The following GAS6 variants were observed in gnomAD, a reference collection of about 807,000 sequenced individuals.
The protein encoded by GAS6 is growth arrest specific 6.
GAS6 carries 41 observed loss-of-function variants against 75.8 expected under a neutral mutation model. The ratio of observed to expected loss-of-function variants is 0.54; its 90% CI spans 0.42 to 0.70. The LOEUF is 0.70. GAS6 is among the 30% of genes least tolerant of loss of function. The probability of loss-of-function intolerance (pLI) is 0.00; values close to 1 mark genes in which losing one functional copy is unlikely to be tolerated. For synonymous variants in GAS6, 432 were observed against 412.6 expected (o/e 1.05, Z -0.57); for missense variants, 854 against 940.2 (o/e 0.91, Z 1.20).
rs2051997021 is a variant in GAS6 at position 113,864,056 on chromosome 13, G to C, written c.-136C>G. On this transcript the variant is annotated 5_prime_UTR_variant, in exon 1 of 15. Coordinates refer to ENST00000327773, the MANE Select transcript of GAS6 (RefSeq NM_000820.4). ...CGGCGGCGGCGGCGGCGGCGGCTGC[G>C]GCACCTCAAGCGCTCGGTCTGGGCG... is the stretch of plus-strand genomic sequence containing the variant. 45 of 904,474 alleles carry C rather than the reference G, an allele frequency of 5.0e-5. No individual in the cohort carries two copies. The highest frequency in any genetic ancestry group is 9.8e-5 in the South Asian group (2 of 20,490). The allele number at this position is 904,474 out of a possible 1,614,324, so 56.0% of individuals were successfully genotyped here.
At chr13:113,847,903 G>A (rs2051846462) in intron 3 of GAS6, 123 bp downstream of exon 3, 1 of 890,422 alleles carries the variant, frequency 1.1e-6, no homozygotes. Context: ...AGTTCCACGT[G>A]CACCATGTGA....
At chr13:113,860,126 G>C (rs1045118590) in intron 2 of GAS6, among the ~76,000 whole-genome samples, 2 of 152,218 alleles carry the variant, frequency 1.3e-5, no homozygotes, top group African/African-American at 2.4e-5. Flanking sequence ...GGGGAGAAGA[G>C]AGAGACTGGG....
At position 113,827,052 on chromosome 13, in the gene GAS6, G is replaced by A. The variant is rs767144171; in HGVS notation, c.1421C>T (p.Thr474Met). The A allele has an allele frequency of 4.7e-5, 76 of 1,613,356 alleles. No homozygotes were observed. Among genetic ancestry groups the A allele is most frequent in the East Asian group, 6.7e-5 (3 of 44,886 alleles). ...VNTRMQCFSV[T>M]ERGSFYPGSG... ...CCCGGGGTAGAAAGAGCCTCTCTCC[G>A]TCACCGAGAAGCACTGCATCCTCGT... The change falls in exon 12 of 15, where the codon ACG becomes ATG. Residue 474 changes from threonine to methionine, a missense_variant. Physicochemically the swap from Thr to Met is moderately conservative, Grantham distance 81 (BLOSUM62 -1). Transcript: ENST00000327773.
At position 113,853,313 on chromosome 13, in the gene GAS6, G is replaced by A. The variant is rs1372071676; in HGVS notation, c.256-5263C>T. Among the ~76,000 whole-genome samples, 15 of 152,210 alleles carry A rather than the reference G, an allele frequency of 9.9e-5. 1 individual carries two copies. The highest frequency in any genetic ancestry group is 9.8e-4 in the Admixed American group (15 of 15,286). ...CCCAGCAAGGTCTCTGCCTGGTGGT[G>A]AGGGGCAGCCAGGGGATTAAGGGCA... On this transcript the variant is annotated intron_variant, in intron 2 of 14. Transcript: ENST00000327773.
rs1444748289 is a variant in GAS6, at chr13:113,863,782, G to C, written c.89-41C>G. 9 of 1,423,632 alleles carry C rather than the reference G, an allele frequency of 6.3e-6. No homozygotes were observed. The highest frequency in any genetic ancestry group is 8.2e-6 in the Non-Finnish European group (9 of 1,099,676). The allele number at this position is 1,423,632 out of a possible 1,614,324, so 88.2% of individuals were successfully genotyped here. A position where few individuals can be genotyped will look rare whatever the true frequency, so the allele number is the denominator to read the frequency against. On this transcript the variant is annotated intron_variant, in intron 1 of 14. Transcript: ENST00000327773. This position sits in a 1 kb window ranked among gnomAD's most constrained non-coding sequence, Gnocchi z 9.4. ...GAGGGGGACGCGTCAAGCCGCGCCC[G>C]GAGCCTCCTCCCGCCGCCCGGGGAC...
At chr13:113,838,508 G>A (rs1205639359) in intron 5 of GAS6, among the ~76,000 whole-genome samples, 3 of 137,096 alleles carry the variant, frequency 2.2e-5, no homozygotes, top group Non-Finnish European at 3.1e-5. Flanking sequence ...CCCCGGGGGT[G>A]CACAGCCCAG....
intron 2 of GAS6, among the ~76,000 whole-genome samples, chr13:113,859,556 G>A (rs566017016): frequency 1.9e-4 from 29 of 152,090 alleles, no homozygotes; most frequent in Admixed American, 9.2e-4. Flanking sequence ...GTGTGTGTAC[G>A]TATATCTATG....
chr13:113,835,840 C>G (rs1357118063), intron 6 of GAS6: 3 of 1,286,998 alleles, frequency 2.3e-6, no homozygotes, highest in East Asian at 6.7e-5. Flanking sequence ...GATCAAGGCC[C>G]GGCTGGGAAG....
At chr13:113,830,918 G>GA (rs1233739373) in intron 10 of GAS6, among the ~76,000 whole-genome samples, 1 of 152,280 alleles carries the variant, frequency 6.6e-6, no homozygotes, top group African/African-American at 2.4e-5. Flanking sequence ...GCTTTGCTGA[G>GA]AACAGCCTCC....
At chr13:113,839,701 C>A in intron 5 of GAS6, 27 bp downstream of exon 5, 1 of 1,610,614 alleles carries the variant, frequency 6.2e-7, no homozygotes, top group African/African-American at 1.3e-5. Flanking sequence ...GGAGGGAGAC[C>A]CCGCCTTTGT....
At chr13:113,850,923 T>C (rs1218739203) in intron 2 of GAS6, among the ~76,000 whole-genome samples, 1 of 151,572 alleles carries the variant, frequency 6.6e-6, no homozygotes, top group East Asian at 1.9e-4. Flanking sequence ...GATTAGTGAG[T>C]AGGATGGATG....
intron 3 of GAS6, chr13:113,847,004 T>C (rs754713614): frequency 5.7e-5 from 29 of 506,658 alleles, no homozygotes; most frequent in Non-Finnish European, 1.1e-4. Context: ...CCCTCCATGC[T>C]CTCTGGCTGG....
chr13:113,853,173 T>C (rs2051889453), intron 2 of GAS6, among the ~76,000 whole-genome samples: 1 of 152,356 alleles, frequency 6.6e-6, no homozygotes, highest in South Asian at 2.1e-4. Context: ...GGAAACACTT[T>C]TGGGCCCAAA....
chr13:113,835,699 C>G, intron 6 of GAS6, 64 bp from the exon 7 acceptor site: 1 of 1,579,838 alleles, frequency 6.3e-7, no homozygotes. Flanking sequence ...CTGGGGCAGG[C>G]GGCTGCAGGG....
chr13:113,834,496 C>T lies in GAS6; in HGVS notation c.834+55G>A, dbSNP rs1005401736. ...AAGTGTTTCTCCCGAAAGCCCCCACCGGCGAGGGCCCCCGGAACCACCGTG... is the reference window on the plus strand; with the variant it reads ...AAGTGTTTCTCCCGAAAGCCCCCACTGGCGAGGGCCCCCGGAACCACCGTG... On this transcript the variant is annotated intron_variant, in intron 8 of 14. Transcript: ENST00000327773. 40 of 1,432,362 alleles carry T rather than the reference C, an allele frequency of 2.8e-5. No individual in the cohort carries two copies. In the East Asian group the frequency reaches 6.5e-4, roughly 23 times the overall value. 88.7% of individuals were successfully genotyped at this position (1,432,362 alleles called of 1,614,324 possible).
intron 2 of GAS6, among the ~76,000 whole-genome samples, chr13:113,859,210 CTGTG>C (rs142867480): frequency 6.8e-6 from 1 of 147,182 alleles, no homozygotes; most frequent in African/African-American, 2.5e-5. Flanking sequence ...GTGTGTGTGA[CTGTG>C]TACGTATGTG....
At chr13:113,855,472 G>A (rs2051907096) in intron 2 of GAS6, among the ~76,000 whole-genome samples, 1 of 152,226 alleles carries the variant, frequency 6.6e-6, no homozygotes. Context: ...CTTACAAATG[G>A]GGAGGTTTAT....
At chr13:113,839,086 G>C (rs1381230862) in intron 5 of GAS6, 4 of 160,840 alleles carry the variant, frequency 2.5e-5, no homozygotes, top group Non-Finnish European at 5.4e-5. Context: ...GCTTGCAGGA[G>C]GAGGCTGCAG....
chr13:113,845,756 A>C lies in GAS6; in HGVS notation c.343+771T>G, dbSNP rs1305666305. On this transcript the variant is annotated intron_variant, in intron 4 of 14. Transcript: ENST00000327773. The surrounding 1 kb of genome is among the most constrained non-coding windows in gnomAD (Gnocchi z 4.3). ...TTTACTCATTAGTTAAAAAAAAAAAAAAAAACCTGAAATGACTGATGTCAT... is the reference window on the plus strand; with the variant it reads ...TTTACTCATTAGTTAAAAAAAAAAACAAAAACCTGAAATGACTGATGTCAT... 2 of 152,104 alleles carry C rather than the reference A, an allele frequency of 1.3e-5. No homozygotes were observed. The highest frequency in any genetic ancestry group is 2.4e-5 in the African/African-American group (1 of 41,436). 9.4% of individuals were successfully genotyped at this position (152,104 alleles called of 1,614,324 possible).
Sources: allele counts gnomAD v4.1 joint callset (sites outside exome capture counted in the v4.1 genomes callset), GRCh38; gene constraint gnomAD v4.1.1; non-coding constraint Gnocchi (gnomAD v3.1); transcripts MANE v1.5; gene names NCBI Gene and HGNC (gene_info 2026-07-23, HGNC 2026-07-21).